Variants in PFKP observed in about 807,000 individuals in gnomAD.
The protein encoded by PFKP is ATP-dependent 6-phosphofructokinase, platelet type.
In PFKP, 101 loss-of-function variants were observed where a neutral mutation model predicts 94.3. The observed-to-expected ratio is 1.07, with a 90% CI of 0.91 to 1.26. The LOEUF (loss-of-function observed/expected upper bound fraction) is 1.26. Among genes scored for constraint, PFKP ranks in the 50% most tolerant of loss-of-function variants. The pLI, the probability that PFKP is intolerant of heterozygous loss-of-function variation, is 0.00. For synonymous variants in PFKP, 573 were observed against 432.6 expected (o/e 1.32, Z -4.03); for missense variants, 1,145 against 1,103.3 (o/e 1.04, Z -0.53).
chr10:3,069,211 C>G (rs1371422216), intron 1 of PFKP: 27 of 1,311,102 alleles, frequency 2.1e-5, no homozygotes, highest in Admixed American at 3.3e-5. Flanking sequence ...GCAGCGCCCC[C>G]GGGAAGTGCT....
intron 17 of PFKP, among the ~76,000 whole-genome samples, chr10:3,130,897 G>GAAACAAGTAATAT (rs1564355063): frequency 1.3e-5 from 2 of 151,714 alleles, no homozygotes; most frequent in African/African-American, 4.8e-5. Context: ...TTGTTTCTGA[G>GAAACAAGTAATAT]CCAAATAGAT....
chr10:3,109,432 G>A lies in PFKP; in HGVS notation c.1041G>A (p.Leu347=), dbSNP rs534521095. 46 of 1,608,842 alleles carry A rather than the reference G, an allele frequency of 2.9e-5. No homozygotes were observed. Among genetic ancestry groups the A allele is most frequent in the Non-Finnish European group, 3.7e-5 (44 of 1,179,948 alleles). The change falls in exon 10 of 22, where the codon CTG becomes CTA. Residue 347 remains leucine, a synonymous_variant. Transcript: ENST00000381125. ...TPDTPACVVS[L]NGNHAVRLPL... is the part of the protein sequence containing the mutation. ...ACACCCCAGCTTGCGTCGTGTCACT[G>A]AACGGGAACCACGCCGTGCGCCTGC...
At chr10:3,097,725 C>T (rs1218787715) in intron 2 of PFKP, among the ~76,000 whole-genome samples, 2 of 152,170 alleles carry the variant, frequency 1.3e-5, no homozygotes, top group African/African-American at 4.8e-5. Flanking sequence ...ACACATGTGG[C>T]CAGGCATGGT....
At chr10:3,128,977 G>A (rs1838258351) in intron 16 of PFKP, 1 of 152,304 alleles carries the variant, frequency 6.6e-6, no homozygotes, top group Non-Finnish European at 1.5e-5. Context: ...ATGTGTACTT[G>A]AAGTGAGCAA....
chr10:3,103,689 C>A, intron 4 of PFKP, 90 bp from the exon 5 acceptor site: 1 of 1,261,146 alleles, frequency 7.9e-7, no homozygotes, highest in South Asian at 1.3e-5. Context: ...GATTTCTCTA[C>A]CCATGGCCAT....
intron 5 of PFKP, 131 bp downstream of exon 5, chr10:3,104,075 G>A (rs1835302117): frequency 5.5e-6 from 4 of 725,470 alleles, no homozygotes; most frequent in African/African-American, 3.6e-5. Context: ...TGACTTTTAG[G>A]AGCTATTGCC....
chr10:3,133,408 A>G (rs918888135), intron 19 of PFKP, 94 bp downstream of exon 19: 3 of 831,700 alleles, frequency 3.6e-6, no homozygotes, highest in South Asian at 2.7e-5. Context: ...GGAAAAATGT[A>G]TAAGTAAATT....
intron 10 of PFKP, among the ~76,000 whole-genome samples, chr10:3,110,885 TG>T (rs1836147306): frequency 7.2e-6 from 1 of 139,726 alleles, no homozygotes; most frequent in African/African-American, 3.1e-5. Flanking sequence ...TCTGCATGTA[TG>T]TGTGTGCATG....
chr10:3,113,245 C>CCT, intron 12 of PFKP, 57 bp downstream of exon 12: 1 of 1,583,984 alleles, frequency 6.3e-7, no homozygotes, highest in Admixed American at 1.8e-5. Flanking sequence ...CCCCTCATGG[C>CCT]CTCTGCCTCA....
chr10:3,130,600 C>T (rs1337871747), intron 17 of PFKP, among the ~76,000 whole-genome samples: 3 of 152,184 alleles, frequency 2.0e-5, no homozygotes, highest in Non-Finnish European at 4.4e-5. Flanking sequence ...CTTGCTGTCA[C>T]CCAGGCTGGA....
chr10:3,080,389 C>T lies in PFKP; in HGVS notation c.113-1999C>T, dbSNP rs532898794. Among the ~76,000 whole-genome samples, 389 of 151,954 alleles carry T rather than the reference C, an allele frequency of 2.6e-3. 2 individuals carry two copies. Among genetic ancestry groups the T allele is most frequent in the Non-Finnish European group, 3.8e-3 (259 of 67,926 alleles). ...AAAATTAGCCAGGCGTGGTGGCGGG[C>T]GCCTGTAGTCCCAGCTGCTCAGGAG... On this transcript the variant is annotated intron_variant, in intron 1 of 21. Transcript: ENST00000381125.
rs1835398845 is a variant in PFKP at position 3,105,060 on chromosome 10, C to T, written c.621-55C>T. ...GTTTCCAGGACTGAGTGGGTGCTCC[C>T]TCTGTTTCTCTGCTTTCTGAGCTGT... On this transcript the variant is annotated intron_variant, in intron 5 of 21. Transcript: ENST00000381125. 6 of 1,547,976 alleles carry T rather than the reference C, an allele frequency of 3.9e-6. No individual in the cohort carries two copies. In the African/African-American group the frequency reaches 5.4e-5, roughly 14 times the overall value.
At chr10:3,112,149 GTC>G in intron 10 of PFKP, 71 bp from the exon 11 acceptor site, 1 of 1,270,328 alleles carries the variant, frequency 7.9e-7, no homozygotes. Flanking sequence ...GACCGAGCCA[GTC>G]TCTACCTACC....
chr10:3,110,770 GTTTATGCATATA>G (rs1328211257), intron 10 of PFKP, among the ~76,000 whole-genome samples: 1 of 152,152 alleles, frequency 6.6e-6, no homozygotes, highest in African/African-American at 2.4e-5. Context: ...ATACATGCAG[GTTTATGCATATA>G]TTTATGCATG....
chr10:3,124,574 A>G (rs749989512), intron 16 of PFKP, among the ~76,000 whole-genome samples: 45 of 152,100 alleles, frequency 3.0e-4, no homozygotes, highest in Admixed American at 5.2e-4. Context: ...AGTGTGGCCC[A>G]CCGGTAATCC....
intron 2 of PFKP, among the ~76,000 whole-genome samples, chr10:3,094,590 G>A (rs1834329275): frequency 6.6e-6 from 1 of 152,142 alleles, no homozygotes; most frequent in Admixed American, 6.6e-5. Flanking sequence ...GTGTGGGGCT[G>A]TTTAATCTCA....
At chr10:3,114,612 G>A (rs1218209894) in intron 13 of PFKP, among the ~76,000 whole-genome samples, 1 of 152,274 alleles carries the variant, frequency 6.6e-6, no homozygotes, top group African/African-American at 2.4e-5. Flanking sequence ...GCATGCCGAG[G>A]AGGGCCTGCT....
At position 3,136,705 on chromosome 10, in the gene PFKP, G is replaced by A. The variant is rs1221104746; in HGVS notation, c.*126G>A. On this transcript the variant is annotated 3_prime_UTR_variant, in exon 22 of 22. Coordinates refer to ENST00000381125, the MANE Select transcript of PFKP (RefSeq NM_002627.5). ...ATACCTAATCGGCGAGTGCCCATCT[G>A]CCCCACCTGCTCCAGTGCGTGCTGT... 1.8e-5 allele frequency: 17 copies of A among 923,276 alleles called. No individual in the cohort carries two copies. The highest frequency in any genetic ancestry group is 3.1e-4 in the Middle Eastern group (1 of 3,268). 57.2% of individuals were successfully genotyped at this position (923,276 alleles called of 1,614,324 possible).
rs566420405 is a variant in PFKP, at chr10:3,135,831, G to T, written c.2218G>T (p.Asp740Tyr). ...QPVAELKKQT[D>Y]FEHRIPKEQW... Reference sequence around the variant, plus strand: ...TGTGGCAGAGCTGAAGAAGCAAACGGATTTTGAGTAAGTTGGCTGGGTTCC... The same window carrying T: ...TGTGGCAGAGCTGAAGAAGCAAACGTATTTTGAGTAAGTTGGCTGGGTTCC... Residue 740 changes from aspartate to tyrosine, a missense_variant, in exon 21 of 22, where the codon GAT (aspartate) becomes TAT (tyrosine). Coordinates refer to ENST00000381125, the MANE Select transcript of PFKP (RefSeq NM_002627.5). 1 of 1,607,926 alleles carries T rather than the reference G, an allele frequency of 6.2e-7. No homozygotes were observed. Among genetic ancestry groups the T allele is most frequent in the African/African-American group, 1.3e-5 (1 of 74,790 alleles).
Sources: allele counts gnomAD v4.1 joint callset (sites outside exome capture counted in the v4.1 genomes callset), GRCh38; gene constraint gnomAD v4.1.1; transcripts MANE v1.5; gene names NCBI Gene and HGNC (gene_info 2026-07-23, HGNC 2026-07-21).